The following OPCML variants were observed in gnomAD, a reference collection of about 807,000 sequenced individuals.
The protein encoded by OPCML is opioid binding protein/cell adhesion molecule like, also known as opioid-binding protein/cell adhesion molecule.
In OPCML, 13 loss-of-function variants were observed where a neutral mutation model predicts 37.8. The observed-to-expected ratio is 0.34, with a 90% CI of 0.22 to 0.55. OPCML has a LOEUF of 0.55. OPCML is among the 20% of genes least tolerant of loss of function. OPCML has a pLI of 0.91. For missense variants in OPCML, 341 were observed against 435.6 expected, an observed-to-expected ratio of 0.78 and a Z score of 1.93; for synonymous variants, 176 against 168.8, an observed-to-expected ratio of 1.04 and a Z score of -0.33.
At chr11:132,925,428 CT>C (rs1418127775) in intron 2 of OPCML, among the ~76,000 whole-genome samples, 1 of 152,094 alleles carries the variant, frequency 6.6e-6, no homozygotes, top group Non-Finnish European at 1.5e-5. Context: ...CAAGAATAAG[CT>C]TTTGTTAAGA....
At chr11:133,083,413 G>T (rs1011479742) in intron 1 of OPCML, among the ~76,000 whole-genome samples, 1 of 152,156 alleles carries the variant, frequency 6.6e-6, no homozygotes, top group African/African-American at 2.4e-5. Context: ...GCTGGCTGCG[G>T]AGAGGGCTGG....
chr11:132,565,057 C>G (rs115136629), intron 3 of OPCML, among the ~76,000 whole-genome samples: 1 of 152,096 alleles, frequency 6.6e-6, no homozygotes, highest in Admixed American at 6.5e-5. Context: ...ACTGTAAAAG[C>G]CTTCTGTTAT....
At chr11:133,004,375 C>G (rs1947066720) in intron 1 of OPCML, 3 of 985,356 alleles carry the variant, frequency 3.0e-6, no homozygotes, top group South Asian at 4.7e-5. Flanking sequence ...TGGTTCTGCT[C>G]TCTCTTCAGA....
chr11:132,972,706 C>T (rs779982616), intron 1 of OPCML, among the ~76,000 whole-genome samples: 2 of 152,180 alleles, frequency 1.3e-5, no homozygotes, highest in African/African-American at 2.4e-5. Flanking sequence ...GCGCAAGGAC[C>T]GTCAGCCTGA....
At chr11:132,746,196 C>G (rs542410213) in intron 2 of OPCML, among the ~76,000 whole-genome samples, 9 of 152,198 alleles carry the variant, frequency 5.9e-5, no homozygotes, top group African/African-American at 1.4e-4. Context: ...GTTTCACACT[C>G]AGGACAGAGC....
At chr11:133,020,197 A>T (rs1317098823) in intron 1 of OPCML, among the ~76,000 whole-genome samples, 1 of 152,226 alleles carries the variant, frequency 6.6e-6, no homozygotes, top group African/African-American at 2.4e-5. Context: ...TGGGTATTCT[A>T]CATAAATATA....
At chr11:133,341,875 G>A (rs926946291) in intron 1 of OPCML, among the ~76,000 whole-genome samples, 20 of 151,972 alleles carry the variant, frequency 1.3e-4, no homozygotes, top group Non-Finnish European at 2.6e-4. Context: ...CCGAGATCGC[G>A]CCATTGCACT....
At chr11:132,975,172 G>T (rs998794454) in intron 1 of OPCML, among the ~76,000 whole-genome samples, 9 of 151,664 alleles carry the variant, frequency 5.9e-5, no homozygotes, top group Admixed American at 4.6e-4. Context: ...ACTTAAGATT[G>T]CAGTAGGATA....
At chr11:133,224,744 T>G (rs1372516840) in intron 1 of OPCML, among the ~76,000 whole-genome samples, 1 of 152,264 alleles carries the variant, frequency 6.6e-6, no homozygotes, top group Non-Finnish European at 1.5e-5. Flanking sequence ...AACAGATGGC[T>G]TCATAAAATG....
intron 3 of OPCML, among the ~76,000 whole-genome samples, chr11:132,563,640 C>T (rs1032543667): frequency 1.3e-5 from 2 of 151,994 alleles, no homozygotes; most frequent in Admixed American, 6.6e-5. Flanking sequence ...TTTTATTTCA[C>T]CTTTTCCTCC....
chr11:132,587,713 A>G (rs567883034), intron 3 of OPCML, among the ~76,000 whole-genome samples: 1 of 152,314 alleles, frequency 6.6e-6, no homozygotes, highest in African/African-American at 2.4e-5. Context: ...CCATGATTCT[A>G]CCACATTCTG....
intron 1 of OPCML, among the ~76,000 whole-genome samples, chr11:133,098,383 T>A (rs1442256226): frequency 1.3e-5 from 2 of 151,936 alleles, no homozygotes; most frequent in East Asian, 3.9e-4. Flanking sequence ...ACCTGGCTAC[T>A]TTTTTGTATT....
At chr11:132,599,955 T>A (rs1413036521) in intron 3 of OPCML, among the ~76,000 whole-genome samples, 2 of 152,180 alleles carry the variant, frequency 1.3e-5, no homozygotes, top group Admixed American at 1.3e-4. Flanking sequence ...ACAATCATTA[T>A]TTTGCCTTCA....
chr11:133,252,954 T>C (rs1941186761), intron 1 of OPCML, among the ~76,000 whole-genome samples: 1 of 152,094 alleles, frequency 6.6e-6, no homozygotes, highest in Non-Finnish European at 1.5e-5. Flanking sequence ...GAGACCAGCC[T>C]GACCAACATG....
intron 2 of OPCML, among the ~76,000 whole-genome samples, chr11:132,713,329 T>C (rs1205035818): frequency 6.6e-6 from 1 of 152,174 alleles, no homozygotes; most frequent in African/African-American, 2.4e-5. Flanking sequence ...CCAATTACCT[T>C]TCCTGATTTC....
At chr11:132,579,385 A>G (rs908536418) in intron 3 of OPCML, among the ~76,000 whole-genome samples, 41 of 146,630 alleles carry the variant, frequency 2.8e-4, no homozygotes, top group South Asian at 6.8e-4. Context: ...TAGAATGAAT[A>G]TGTGTGTGTG....
chr11:132,483,846 G>C (rs1386234138), intron 4 of OPCML, among the ~76,000 whole-genome samples: 2 of 151,764 alleles, frequency 1.3e-5, no homozygotes, highest in African/African-American at 4.8e-5. Flanking sequence ...AATGGTGCTG[G>C]GAAAACTGGC....
intron 3 of OPCML, among the ~76,000 whole-genome samples, chr11:132,613,721 A>AT (rs1292364527): frequency 6.6e-6 from 1 of 152,238 alleles, no homozygotes; most frequent in South Asian, 2.1e-4. Flanking sequence ...GAACAGACAT[A>AT]TTTTTTTACT....
At chr11:133,222,188 C>T (rs551444746) in intron 1 of OPCML, among the ~76,000 whole-genome samples, 2 of 152,230 alleles carry the variant, frequency 1.3e-5, no homozygotes, top group Non-Finnish European at 2.9e-5. Flanking sequence ...GATGCAAATT[C>T]AGGGGCCTGC....
Sources: allele counts gnomAD v4.1 joint callset (sites outside exome capture counted in the v4.1 genomes callset), GRCh38; gene constraint gnomAD v4.1.1; transcripts MANE v1.5; gene names NCBI Gene and HGNC (gene_info 2026-07-23, HGNC 2026-07-21).